CACNA2D3: variants seen among roughly 807,000 people sequenced by gnomAD.
CACNA2D3 encodes calcium voltage-gated channel auxiliary subunit alpha2delta 3.
Under a neutral mutation model 160.6 loss-of-function variants are expected in CACNA2D3, and 60 were observed. The ratio of observed to expected loss-of-function variants is 0.37; its 90% CI spans 0.30 to 0.46. The LOEUF is 0.46. Ranked by LOEUF, CACNA2D3 falls within the 20% of genes least tolerant of loss-of-function variation. CACNA2D3 has a pLI of 1.00. For missense variants in CACNA2D3, 1,205 were observed against 1,365.0 expected (o/e 0.88, Z 1.85); for synonymous variants, 558 against 492.9 (o/e 1.13, Z -1.75).
chr3:54,906,418 A>G (rs373622561), intron 27 of CACNA2D3, among the ~76,000 whole-genome samples: 97 of 152,278 alleles, frequency 6.4e-4, no homozygotes, highest in South Asian at 3.3e-3. Flanking sequence ...TGGTTTGAGA[A>G]GGCCTCCCTG....
intron 3 of CACNA2D3, among the ~76,000 whole-genome samples, chr3:54,379,200 C>T (rs910097941): frequency 1.3e-4 from 20 of 152,130 alleles, no homozygotes; most frequent in Non-Finnish European, 2.5e-4. Context: ...TTTTATAATC[C>T]ACTTTGAAAT....
chr3:54,371,915 T>C (rs1340087775), intron 3 of CACNA2D3, among the ~76,000 whole-genome samples: 1 of 152,242 alleles, frequency 6.6e-6, no homozygotes, highest in Non-Finnish European at 1.5e-5. Flanking sequence ...ATTTATTTGT[T>C]CTATTTAATA....
intron 2 of CACNA2D3, among the ~76,000 whole-genome samples, chr3:54,290,316 C>T (rs1703156093): frequency 2.0e-5 from 3 of 152,196 alleles, no homozygotes. Context: ...AAATGCTCAT[C>T]ATCACTGGCC....
intron 27 of CACNA2D3, among the ~76,000 whole-genome samples, chr3:54,947,053 T>G (rs1157990706): frequency 6.6e-6 from 1 of 152,208 alleles, no homozygotes; most frequent in Non-Finnish European, 1.5e-5. Context: ...AACCCCATAA[T>G]GAAAGTGATC....
chr3:54,159,201 G>A (rs1700297661), intron 2 of CACNA2D3, among the ~76,000 whole-genome samples: 1 of 152,022 alleles, frequency 6.6e-6, no homozygotes, highest in Non-Finnish European at 1.5e-5. Flanking sequence ...TAGAAAGTGG[G>A]GATGTAGAAA....
At chr3:54,416,482 C>T (rs1699756322) in intron 4 of CACNA2D3, among the ~76,000 whole-genome samples, 1 of 152,098 alleles carries the variant, frequency 6.6e-6, no homozygotes. Context: ...ATAATGGTGA[C>T]ACAGTTAAAA....
At chr3:54,565,473 C>A (rs1360466679) in intron 6 of CACNA2D3, among the ~76,000 whole-genome samples, 2 of 152,060 alleles carry the variant, frequency 1.3e-5, no homozygotes, top group Non-Finnish European at 2.9e-5. Context: ...TTCACCAGTT[C>A]AATTTATGTC....
intron 17 of CACNA2D3, 107 bp from the exon 18 acceptor site, chr3:54,871,432 C>T (rs1027150504): frequency 2.6e-6 from 2 of 778,856 alleles, no homozygotes; most frequent in African/African-American, 3.5e-5. Flanking sequence ...CATCGGTCCA[C>T]TCCCAAGCCC....
At chr3:55,019,109 T>C in intron 35 of CACNA2D3, among the ~76,000 whole-genome samples, 1 of 151,612 alleles carries the variant, frequency 6.6e-6, no homozygotes, top group Non-Finnish European at 1.5e-5. Context: ...CTTTCTTTCT[T>C]TTTTTAATAA....
At chr3:54,841,851 A>C (rs536904744) in intron 16 of CACNA2D3, among the ~76,000 whole-genome samples, 1 of 152,282 alleles carries the variant, frequency 6.6e-6, no homozygotes, top group Admixed American at 6.5e-5. Flanking sequence ...TCCTTTCCCC[A>C]GGCTGTTGGA....
intron 17 of CACNA2D3, among the ~76,000 whole-genome samples, chr3:54,862,403 A>G (rs1033106447): frequency 3.5e-4 from 53 of 151,342 alleles, no homozygotes; most frequent in Non-Finnish European, 4.0e-4. Flanking sequence ...ACACACACAC[A>G]CGCACACACA....
chr3:54,290,657 C>G (rs1218015057), intron 2 of CACNA2D3, among the ~76,000 whole-genome samples: 6 of 151,430 alleles, frequency 4.0e-5, no homozygotes, highest in South Asian at 2.1e-4. Flanking sequence ...TTGGAACCAA[C>G]CCAAATGTCC....
intron 35 of CACNA2D3, among the ~76,000 whole-genome samples, chr3:55,061,094 A>C (rs947744436): frequency 5.9e-5 from 9 of 152,234 alleles, no homozygotes; most frequent in Admixed American, 2.6e-4. Context: ...TTCTGTCTAC[A>C]ACAGAATAAA....
intron 13 of CACNA2D3, among the ~76,000 whole-genome samples, chr3:54,797,751 C>T (rs1702895998): frequency 1.3e-5 from 2 of 152,150 alleles, no homozygotes; most frequent in Admixed American, 6.5e-5. Flanking sequence ...TTTTGTCATT[C>T]TCTCAGTGAC....
At position 54,559,742 on chromosome 3, in the gene CACNA2D3, CA is replaced by C. The variant is rs200228657; in HGVS notation, c.545-3055del. On this transcript the variant is annotated intron_variant, in intron 5 of 37. Transcript: ENST00000474759. The stretch of plus-strand genomic sequence containing the variant: ...ATTTTTCCTAATCCCCTCCGTCCTC[CA>C]AACCTTCACCCTCTGAAAGGCCCCA... Among the ~76,000 whole-genome samples the C allele has an allele frequency of 8.3e-4, 127 of 152,302 alleles. No individual in the cohort carries two copies. The East Asian group carries it at 0.023, about 27-fold the overall frequency.
At chr3:54,194,033 G>A (rs182893289) in intron 2 of CACNA2D3, among the ~76,000 whole-genome samples, 1 of 152,238 alleles carries the variant, frequency 6.6e-6, no homozygotes, top group African/African-American at 2.4e-5. Flanking sequence ...TTGACCTCGT[G>A]GAGATAGAGA....
At chr3:54,657,127 A>G (rs974637141) in intron 11 of CACNA2D3, among the ~76,000 whole-genome samples, 9 of 152,102 alleles carry the variant, frequency 5.9e-5, no homozygotes, top group Admixed American at 2.0e-4. Context: ...TTGAGCCAGG[A>G]TGAGCCAGGA....
chr3:54,740,519 A>G (rs1017446589), intron 11 of CACNA2D3, among the ~76,000 whole-genome samples: 1 of 152,092 alleles, frequency 6.6e-6, no homozygotes, highest in African/African-American at 2.4e-5. Flanking sequence ...AGAGGTTGGT[A>G]TACAGAAAGT....
At chr3:54,691,814 T>G (rs1419039725) in intron 11 of CACNA2D3, among the ~76,000 whole-genome samples, 5 of 152,142 alleles carry the variant, frequency 3.3e-5, no homozygotes, top group African/African-American at 1.2e-4. Context: ...AGTATTTCAT[T>G]TATTTGTCTT....
Sources: gnomAD v4.1 joint callset for allele counts (sites outside exome capture counted in the v4.1 genomes callset) on GRCh38, gnomAD v4.1.1 for gene constraint, MANE v1.5 for transcripts, NCBI Gene and HGNC (gene_info 2026-07-23, HGNC 2026-07-21) for gene names.